The following PLCB1 variants were observed in gnomAD, a reference collection of about 807,000 sequenced individuals.
The protein encoded by PLCB1 is phospholipase C beta 1, also known as 1-phosphatidylinositol 4,5-bisphosphate phosphodiesterase beta-1.
PLCB1 carries 46 observed loss-of-function variants against 161.8 expected under a neutral mutation model. The observed-to-expected ratio is 0.28, with a 90% CI of 0.22 to 0.36. PLCB1 has a LOEUF of 0.36. Ranked by LOEUF, PLCB1 falls within the 10% of genes least tolerant of loss-of-function variation. PLCB1 has a pLI of 1.00. For missense variants in PLCB1, 1,016 were observed against 1,472.5 expected (o/e 0.69, Z 5.07); for synonymous variants, 517 against 503.7 (o/e 1.03, Z -0.35).
chr20:8,629,825 CTTT>C (rs1257419979), intron 4 of PLCB1, among the ~76,000 whole-genome samples: 2 of 71,770 alleles, frequency 2.8e-5, no homozygotes, highest in Non-Finnish European at 5.7e-5. Context: ...TCTTTTCTTT[CTTT>C]CTTTCTTTCT....
At chr20:8,477,841 A>G (rs904281485) in intron 3 of PLCB1, among the ~76,000 whole-genome samples, 2 of 152,206 alleles carry the variant, frequency 1.3e-5, no homozygotes, top group African/African-American at 4.8e-5. Flanking sequence ...AGCTCCCACT[A>G]GGCCCCATCT....
At chr20:8,794,494 G>T (rs145965676) in intron 31 of PLCB1, among the ~76,000 whole-genome samples, 1 of 152,154 alleles carries the variant, frequency 6.6e-6, no homozygotes, top group Non-Finnish European at 1.5e-5. Flanking sequence ...TAACTAGAAA[G>T]TGATCATAGC....
intron 2 of PLCB1, among the ~76,000 whole-genome samples, chr20:8,331,857 A>C (rs2122194260): frequency 6.6e-6 from 1 of 152,258 alleles, no homozygotes; most frequent in South Asian, 2.1e-4. Flanking sequence ...ATATCACTTC[A>C]CTCTGCAGAA....
At chr20:8,799,431 C>T (rs1984183211) in intron 31 of PLCB1, among the ~76,000 whole-genome samples, 1 of 152,164 alleles carries the variant, frequency 6.6e-6, no homozygotes, top group Non-Finnish European at 1.5e-5. Flanking sequence ...ATTTCCACTT[C>T]TACTTCTGTG....
chr20:8,489,857 C>T (rs1426497332), intron 3 of PLCB1, among the ~76,000 whole-genome samples: 6 of 152,182 alleles, frequency 3.9e-5, no homozygotes, highest in African/African-American at 1.4e-4. Flanking sequence ...TGTATTCTTC[C>T]TGCAAATTTG....
chr20:8,352,963 A>G (rs896873421), intron 2 of PLCB1, among the ~76,000 whole-genome samples: 5 of 152,148 alleles, frequency 3.3e-5, no homozygotes, highest in Non-Finnish European at 5.9e-5. Context: ...ATGGGTTTGT[A>G]TACATACCTG....
intron 2 of PLCB1, among the ~76,000 whole-genome samples, chr20:8,311,046 T>C (rs931078126): frequency 6.6e-6 from 1 of 152,220 alleles, no homozygotes; most frequent in African/African-American, 2.4e-5. Context: ...CTTTCCCTTT[T>C]TTCTACAGCT....
At chr20:8,409,355 C>A (rs1366914656) in intron 3 of PLCB1, among the ~76,000 whole-genome samples, 1 of 152,078 alleles carries the variant, frequency 6.6e-6, no homozygotes, top group Non-Finnish European at 1.5e-5. Flanking sequence ...ACAACATTAG[C>A]AATCAGGGGT....
intron 1 of PLCB1, among the ~76,000 whole-genome samples, chr20:8,135,544 A>T (rs756508299): frequency 2.6e-4 from 39 of 152,110 alleles, no homozygotes; most frequent in Non-Finnish European, 4.9e-4. Context: ...GATCCTGGAG[A>T]TACCCTGTTG....
intron 22 of PLCB1, 120 bp downstream of exon 22, chr20:8,740,568 G>C (rs1980824483): frequency 7.7e-6 from 4 of 519,092 alleles, no homozygotes; most frequent in Non-Finnish European, 1.0e-5. Context: ...TCTGGCTTCA[G>C]AATCACCCCT....
At chr20:8,372,899 C>A (rs1380332114) in intron 3 of PLCB1, among the ~76,000 whole-genome samples, 2 of 152,152 alleles carry the variant, frequency 1.3e-5, no homozygotes, top group Non-Finnish European at 2.9e-5. Flanking sequence ...TGCATCAGAG[C>A]CCTGTTTGTC....
chr20:8,828,371 GT>G (rs11476241), intron 31 of PLCB1, among the ~76,000 whole-genome samples: 7,312 of 152,276 alleles, frequency 0.048, 413 homozygotes, highest in African/African-American at 0.13. Context: ...AGGAAATTCA[GT>G]TAGTCTCTTG....
At chr20:8,650,905 G>T (rs974819928) in intron 7 of PLCB1, among the ~76,000 whole-genome samples, 4 of 152,124 alleles carry the variant, frequency 2.6e-5, no homozygotes, top group African/African-American at 9.7e-5. Flanking sequence ...TCATACGGTG[G>T]TAAAGTAGGT....
chr20:8,569,943 T>G (rs887008683), intron 3 of PLCB1, among the ~76,000 whole-genome samples: 3 of 152,180 alleles, frequency 2.0e-5, no homozygotes, highest in Admixed American at 1.3e-4. Context: ...TTTCTTCATG[T>G]AACTGTGTAA....
chr20:8,165,242 T>A (rs2051663467), intron 2 of PLCB1, among the ~76,000 whole-genome samples: 1 of 152,204 alleles, frequency 6.6e-6, no homozygotes, highest in Non-Finnish European at 1.5e-5. Flanking sequence ...TGTTGTATGT[T>A]AACCTAATAG....
chr20:8,870,107 G>C (rs1987561967), intron 31 of PLCB1, among the ~76,000 whole-genome samples: 1 of 152,132 alleles, frequency 6.6e-6, no homozygotes, highest in Admixed American at 6.5e-5. Flanking sequence ...TCTCTCATAA[G>C]AGAAGCTGAG....
At chr20:8,375,294 C>T (rs186542798) in intron 3 of PLCB1, among the ~76,000 whole-genome samples, 164 of 152,258 alleles carry the variant, frequency 1.1e-3, no homozygotes, top group African/African-American at 3.8e-3. Flanking sequence ...TATATCTTGT[C>T]TGTGCTATGT....
chr20:8,313,132 A>G (rs1050280613), intron 2 of PLCB1, among the ~76,000 whole-genome samples: 1 of 152,158 alleles, frequency 6.6e-6, no homozygotes, highest in Non-Finnish European at 1.5e-5. Context: ...CATTTTTTTT[A>G]ATATAATGGG....
In PLCB1 at chr20:8,883,852, A is replaced by C. The variant is rs894118801; in HGVS notation, c.*2003A>C. Reference sequence around the variant, plus strand: ...CTTTTGTAAATCATTCTACTTTTGCACTTTGAAAGAAAGGCGTTAATCATA... The same window carrying C: ...CTTTTGTAAATCATTCTACTTTTGCCCTTTGAAAGAAAGGCGTTAATCATA... On this transcript the variant is annotated 3_prime_UTR_variant, in exon 32 of 32. Transcript: ENST00000338037. The C allele has an allele frequency of 6.6e-6, 1 of 152,580 alleles. No homozygotes were observed. Among genetic ancestry groups the C allele is most frequent in the African/African-American group, 2.4e-5 (1 of 41,454 alleles). The allele number at this position is 152,580 out of a possible 1,614,324, so 9.5% of individuals were successfully genotyped here.
Sources: allele counts gnomAD v4.1 joint callset (sites outside exome capture counted in the v4.1 genomes callset), GRCh38; gene constraint gnomAD v4.1.1; transcripts MANE v1.5; gene names NCBI Gene and HGNC (gene_info 2026-07-23, HGNC 2026-07-21).